NHERF1: variants seen among roughly 807,000 people sequenced by gnomAD.
NHERF1 encodes Na(+)/H(+) exchange regulatory cofactor NHE-RF1.
At chr17:74,763,641 CCCT>C in the NHERF1 span, 927 of 964,538 alleles carry the variant, frequency 9.6e-4, 5 homozygotes, top group Non-Finnish European at 1.6e-4. Flanking sequence ...CATGGGTGCT[CCCT>C]CCTCCTCCTT....
chr17:74,754,811 G>A, the NHERF1 span, among the ~76,000 whole-genome samples: 2 of 152,166 alleles, frequency 1.3e-5, no homozygotes, highest in Non-Finnish European at 2.9e-5. Context: ...AGACAAATTA[G>A]CTATTGTTTT....
At chr17:74,768,553 T>C in the NHERF1 span, 4 of 1,613,574 alleles carry the variant, frequency 2.5e-6, no homozygotes, top group South Asian at 3.3e-5. Flanking sequence ...GACTTCAACA[T>C]CTCCCTGGCC....
chr17:74,758,070 G>T, the NHERF1 span, among the ~76,000 whole-genome samples: 1 of 152,120 alleles, frequency 6.6e-6, no homozygotes, highest in Non-Finnish European at 1.5e-5. This position sits in a 1 kb window ranked among gnomAD's most constrained non-coding sequence, Gnocchi z 4.3. Context: ...CCAATGGGGC[G>T]TTGGCCCCCA....
the NHERF1 span, among the ~76,000 whole-genome samples, chr17:74,756,156 C>T: frequency 1.3e-5 from 2 of 151,694 alleles, no homozygotes; most frequent in African/African-American, 4.8e-5. Context: ...ACCATGTTGA[C>T]CAGGCTGGTC....
chr17:74,757,517 T>C, the NHERF1 span, among the ~76,000 whole-genome samples: 2 of 152,032 alleles, frequency 1.3e-5, no homozygotes, highest in African/African-American at 4.8e-5. Flanking sequence ...GAAGACACCT[T>C]CTGCCTAGAG....
the NHERF1 span, among the ~76,000 whole-genome samples, chr17:74,753,695 C>T: frequency 6.7e-6 from 1 of 148,678 alleles, no homozygotes; most frequent in African/African-American, 2.5e-5. Flanking sequence ...TTGAGACCAG[C>T]CTGGGCAACA....
chr17:74,753,033 C>T, the NHERF1 span, among the ~76,000 whole-genome samples: 1 of 152,232 alleles, frequency 6.6e-6, no homozygotes, highest in African/African-American at 2.4e-5. Context: ...CCTACCCACT[C>T]TTCTTTCTTG....
chr17:74,749,201 C>T, the NHERF1 span: 1 of 1,525,752 alleles, frequency 6.6e-7, no homozygotes, highest in Non-Finnish European at 8.8e-7. The surrounding 1 kb of genome is among the most constrained non-coding windows in gnomAD (Gnocchi z 5.6). Flanking sequence ...AGCGCCGGGG[C>T]AGGCCGAGCC....
chr17:74,764,867 CAGTG>C, the NHERF1 span, among the ~76,000 whole-genome samples: 1 of 152,136 alleles, frequency 6.6e-6, no homozygotes, highest in Admixed American at 6.5e-5. The surrounding 1 kb of genome is among the most constrained non-coding windows in gnomAD (Gnocchi z 4.9). Flanking sequence ...GGGGAGGGGA[CAGTG>C]AGTGACCCTG....
chr17:74,765,246 T>C, the NHERF1 span, among the ~76,000 whole-genome samples: 1 of 152,086 alleles, frequency 6.6e-6, no homozygotes, highest in African/African-American at 2.4e-5. Flanking sequence ...TGGGATTATT[T>C]TCTCTTTTTT....
the NHERF1 span, chr17:74,762,279 T>C: frequency 2.1e-6 from 2 of 955,346 alleles, no homozygotes; most frequent in Non-Finnish European, 3.1e-6. This position sits in a 1 kb window ranked among gnomAD's most constrained non-coding sequence, Gnocchi z 4.2. Context: ...CCCACGGGCA[T>C]AGCCAACCTG....
chr17:74,754,295 T>G, the NHERF1 span, among the ~76,000 whole-genome samples: 1 of 151,732 alleles, frequency 6.6e-6, no homozygotes, highest in South Asian at 2.1e-4. Flanking sequence ...TAAGATAGAG[T>G]GGCCCTACCT....
the NHERF1 span, chr17:74,768,812 G>A: frequency 3.0e-6 from 2 of 672,084 alleles, no homozygotes; most frequent in Non-Finnish European, 5.0e-6. Context: ...GTTCTTCCCT[G>A]ACTTTAGGGA....
At chr17:74,768,498 G>C in the NHERF1 span, 5 of 1,613,852 alleles carry the variant, frequency 3.1e-6, no homozygotes, top group Non-Finnish European at 4.2e-6. Flanking sequence ...CCCAAAACAG[G>C]ACTCCACAGC....
chr17:74,750,454 A>G, the NHERF1 span, among the ~76,000 whole-genome samples: 1 of 152,172 alleles, frequency 6.6e-6, no homozygotes, highest in Non-Finnish European at 1.5e-5. Context: ...GCATTAAGGT[A>G]GAAGGCAAAG....
At chr17:74,764,890 C>T in the NHERF1 span, among the ~76,000 whole-genome samples, 1 of 152,352 alleles carries the variant, frequency 6.6e-6, no homozygotes, top group East Asian at 1.9e-4. This position sits in a 1 kb window ranked among gnomAD's most constrained non-coding sequence, Gnocchi z 4.9. Context: ...TGTGTCCCAG[C>T]AGCCTGTCCT....
chr17:74,760,065 G>T, the NHERF1 span, among the ~76,000 whole-genome samples: 1 of 152,212 alleles, frequency 6.6e-6, no homozygotes, highest in African/African-American at 2.4e-5. This position sits in a 1 kb window ranked among gnomAD's most constrained non-coding sequence, Gnocchi z 4.5. Flanking sequence ...GCAGAAAGCT[G>T]CGCCTGTCCT....
At chr17:74,749,970 A>G in the NHERF1 span, among the ~76,000 whole-genome samples, 1 of 152,212 alleles carries the variant, frequency 6.6e-6, no homozygotes, top group African/African-American at 2.4e-5. The surrounding 1 kb of genome is among the most constrained non-coding windows in gnomAD (Gnocchi z 5.6). Context: ...CTGCCACCTC[A>G]GAGGATTTAC....
chr17:74,763,035 G>T, the NHERF1 span: 1 of 256,116 alleles, frequency 3.9e-6, no homozygotes, highest in South Asian at 8.0e-5. Context: ...CCCAGAGAAG[G>T]AAGTCGGACA....
Sources: allele counts gnomAD v4.1 joint callset (sites outside exome capture counted in the v4.1 genomes callset), GRCh38; gene constraint gnomAD v4.1.1; non-coding constraint Gnocchi (gnomAD v3.1); transcripts MANE v1.5; gene names NCBI Gene and HGNC (gene_info 2026-07-23, HGNC 2026-07-21).